Variants in ANKIB1 observed in about 807,000 individuals in gnomAD.
The protein encoded by ANKIB1 is ankyrin repeat and IBR domain-containing protein 1.
ANKIB1 carries 43 observed loss-of-function variants against 122.1 expected under a neutral mutation model. The observed-to-expected ratio is 0.35, with a 90% CI of 0.28 to 0.45. The LOEUF (loss-of-function observed/expected upper bound fraction) is 0.45. Among genes scored for constraint, ANKIB1 ranks in the 20% least tolerant of loss-of-function variants. ANKIB1 has a pLI of 1.00. For missense variants in ANKIB1, 992 were observed against 1,329.5 expected (o/e 0.75, Z 3.95); for synonymous variants, 390 against 442.0 (o/e 0.88, Z 1.48).
chr7:92,353,432 G>C (rs1160631020), intron 9 of ANKIB1, among the ~76,000 whole-genome samples: 1 of 152,146 alleles, frequency 6.6e-6, no homozygotes, highest in African/African-American at 2.4e-5. Flanking sequence ...TCAGTTAACT[G>C]TTTTAAGTAA....
chr7:92,297,906 T>A (rs1273271280), intron 2 of ANKIB1, among the ~76,000 whole-genome samples: 1 of 152,168 alleles, frequency 6.6e-6, no homozygotes, highest in Non-Finnish European at 1.5e-5. Flanking sequence ...TCCCTCTTGC[T>A]TTTCCCACTT....
intron 1 of ANKIB1, among the ~76,000 whole-genome samples, chr7:92,263,630 T>G (rs757838700): frequency 4.6e-5 from 7 of 152,178 alleles, no homozygotes; most frequent in Non-Finnish European, 7.4e-5. Flanking sequence ...AATACCTCTC[T>G]CAAGTTTCAT....
At chr7:92,268,113 T>C (rs1200100917) in intron 1 of ANKIB1, among the ~76,000 whole-genome samples, 1 of 152,200 alleles carries the variant, frequency 6.6e-6, no homozygotes, top group Non-Finnish European at 1.5e-5. Context: ...AGATGGGTCC[T>C]GAGAAGATAC....
intron 1 of ANKIB1, among the ~76,000 whole-genome samples, chr7:92,253,550 A>C (rs186290544): frequency 6.6e-6 from 1 of 152,324 alleles, no homozygotes; most frequent in African/African-American, 2.4e-5. Flanking sequence ...ACACCTTTAC[A>C]TATTCTAATA....
chr7:92,282,565 A>G (rs1353111294), intron 1 of ANKIB1, among the ~76,000 whole-genome samples: 1 of 152,260 alleles, frequency 6.6e-6, no homozygotes, highest in African/African-American at 2.4e-5. Flanking sequence ...AGGACAATAC[A>G]TTATTCAAAA....
At chr7:92,263,314 G>A (rs566040742) in intron 1 of ANKIB1, among the ~76,000 whole-genome samples, 18 of 152,138 alleles carry the variant, frequency 1.2e-4, no homozygotes, top group African/African-American at 4.1e-4. Flanking sequence ...TTAACATTTT[G>A]TCCTGTTTTT....
At chr7:92,325,383 C>T (rs568771404) in intron 4 of ANKIB1, among the ~76,000 whole-genome samples, 17 of 152,278 alleles carry the variant, frequency 1.1e-4, no homozygotes, top group African/African-American at 3.6e-4. Context: ...CTCAGGGTAG[C>T]CTAGGTCTTG....
chr7:92,347,621 T>C (rs1184427517), intron 7 of ANKIB1, among the ~76,000 whole-genome samples: 1 of 152,136 alleles, frequency 6.6e-6, no homozygotes, highest in Non-Finnish European at 1.5e-5. Context: ...GATTGATTGA[T>C]CGATCAATCG....
At chr7:92,315,212 C>T (rs749911722) in intron 3 of ANKIB1, among the ~76,000 whole-genome samples, 20 of 152,054 alleles carry the variant, frequency 1.3e-4, no homozygotes, top group Admixed American at 2.0e-4. Flanking sequence ...AATTAACAGA[C>T]ATTAGAAAGT....
At chr7:92,340,792 C>T (rs1378366109) in intron 5 of ANKIB1, among the ~76,000 whole-genome samples, 5 of 152,058 alleles carry the variant, frequency 3.3e-5, no homozygotes, top group South Asian at 2.1e-4. Flanking sequence ...GGTAAATACC[C>T]CAGTGCCAAA....
chr7:92,395,440 A>G (rs1804865332), intron 17 of ANKIB1, among the ~76,000 whole-genome samples: 1 of 152,162 alleles, frequency 6.6e-6, no homozygotes, highest in Non-Finnish European at 1.5e-5. Context: ...GTAGTCCCAA[A>G]GAATAGAAAA....
intron 1 of ANKIB1, among the ~76,000 whole-genome samples, chr7:92,247,601 T>C (rs1179438822): frequency 6.6e-6 from 1 of 152,230 alleles, no homozygotes; most frequent in Non-Finnish European, 1.5e-5. Context: ...CTCATTAGAA[T>C]TTGATTTGCT....
At chr7:92,312,374 C>A (rs1802709507) in intron 3 of ANKIB1, among the ~76,000 whole-genome samples, 1 of 152,158 alleles carries the variant, frequency 6.6e-6, no homozygotes, top group African/African-American at 2.4e-5. Context: ...AACTAAAGCA[C>A]CTGAAATTCT....
At chr7:92,389,884 T>G (rs1184316658) in intron 14 of ANKIB1, 87 bp from the exon 15 acceptor site, 1 of 1,404,750 alleles carries the variant, frequency 7.1e-7, no homozygotes, top group African/African-American at 1.5e-5. Flanking sequence ...TCTTTTTCCT[T>G]TTTTGAGAAA....
intron 16 of ANKIB1, 116 bp downstream of exon 16, chr7:92,391,460 GA>G: frequency 2.2e-6 from 2 of 922,122 alleles, no homozygotes; most frequent in Non-Finnish European, 3.0e-6. Flanking sequence ...CTAAAATATG[GA>G]TAGCTCATAA....
At chr7:92,387,635 C>CAA (rs371663281) in intron 12 of ANKIB1, among the ~76,000 whole-genome samples, 163 bp from the exon 13 acceptor site, 107 of 118,020 alleles carry the variant, frequency 9.1e-4, no homozygotes, top group African/African-American at 3.2e-3. Context: ...GACTCCGTCT[C>CAA]AAAAAAAAAA....
At chr7:92,356,479 T>A (rs1803815413) in intron 9 of ANKIB1, among the ~76,000 whole-genome samples, 1 of 152,232 alleles carries the variant, frequency 6.6e-6, no homozygotes, top group East Asian at 1.9e-4. Flanking sequence ...TCATAAGACC[T>A]TATTTAAATA....
At chr7:92,280,757 C>G (rs1801998300) in intron 1 of ANKIB1, among the ~76,000 whole-genome samples, 1 of 152,192 alleles carries the variant, frequency 6.6e-6, no homozygotes, top group Non-Finnish European at 1.5e-5. Flanking sequence ...ATCTCGCTGA[C>G]AACTTTTATC....
intron 4 of ANKIB1, among the ~76,000 whole-genome samples, chr7:92,326,815 A>G (rs1803036322): frequency 6.6e-6 from 1 of 152,274 alleles, no homozygotes; most frequent in East Asian, 1.9e-4. Flanking sequence ...CCTTTAAAAA[A>G]AAAAAATGAG....
Sources: allele counts gnomAD v4.1 joint callset (sites outside exome capture counted in the v4.1 genomes callset), GRCh38; gene constraint gnomAD v4.1.1; transcripts MANE v1.5; gene names NCBI Gene and HGNC (gene_info 2026-07-23, HGNC 2026-07-21).